Variants in QKI observed in about 807,000 individuals in gnomAD.
QKI encodes KH domain-containing RNA-binding protein QKI.
Under a neutral mutation model 39.0 loss-of-function variants are expected in QKI, and 10 were observed. That is an observed-to-expected ratio of 0.26 (90% CI 0.16 to 0.43). QKI has a LOEUF of 0.43. Among genes scored for constraint, QKI ranks in the 20% least tolerant of loss-of-function variants. The pLI, the probability that QKI is intolerant of heterozygous loss-of-function variation, is 1.00. For synonymous variants in QKI, 204 were observed against 155.4 expected (o/e 1.31, Z -2.33); for missense variants, 218 against 428.0 (o/e 0.51, Z 4.33).
chr6:163,548,889 GTTAT>G (rs1782047802), intron 4 of QKI, among the ~76,000 whole-genome samples: 1 of 152,186 alleles, frequency 6.6e-6, no homozygotes, highest in Non-Finnish European at 1.5e-5. Context: ...AAAATAAGCA[GTTAT>G]TTAAGTGGTA....
rs1783977056 is a variant in QKI at position 163,576,428 on chromosome 6, A to G, written c.*5718A>G. The stretch of plus-strand genomic sequence containing the variant: ...TTGTTGCCTCTTCTTGGCAAAAGAC[A>G]CCACATTGTGGGAAGATCTCAGCTT... On this transcript the variant is annotated 3_prime_UTR_variant, in exon 8 of 8. Transcript: ENST00000361752. 6.6e-6 allele frequency: 1 copy of G among 152,148 alleles called. No individual in the cohort carries two copies. Among genetic ancestry groups the G allele is most frequent in the South Asian group, 2.1e-4 (1 of 4,818 alleles). The allele number at this position is 152,148 out of a possible 1,614,324, so 9.4% of individuals were successfully genotyped here.
rs368908795 is a variant in QKI, at chr6:163,519,936, G to C, written c.403-15046G>C. On this transcript the variant is annotated intron_variant, in intron 3 of 7. Coordinates refer to ENST00000361752, the MANE Select transcript of QKI (RefSeq NM_006775.3). ...AGGGGAAGTGGGCCAAAGATATTCT[G>C]AAAGAGTAGAGTTACTTTTTGTCTT... is the stretch of plus-strand genomic sequence containing the variant. Among the ~76,000 whole-genome samples, 27 of 152,226 alleles carry C rather than the reference G, an allele frequency of 1.8e-4. No homozygotes were observed. In the East Asian group the frequency reaches 5.0e-3, roughly 28 times the overall value.
At chr6:163,418,276 C>G (rs1256208902) in intron 1 of QKI, among the ~76,000 whole-genome samples, 1 of 151,850 alleles carries the variant, frequency 6.6e-6, no homozygotes, top group Non-Finnish European at 1.5e-5. Flanking sequence ...AAATATTTTT[C>G]AAAGAATAAG....
rs1181375837 is a variant in QKI at position 163,573,781 on chromosome 6, T to G, written c.*3071T>G. ...ACCCACAGCATTATTTTAATAAATG[T>G]TATAATACCAACCTACTAACTCTGG... is the stretch of plus-strand genomic sequence containing the variant. On this transcript the variant is annotated 3_prime_UTR_variant, in exon 8 of 8. Transcript: ENST00000361752. The G allele has an allele frequency of 1.3e-5, 2 of 152,194 alleles. No homozygotes were observed. The highest frequency in any genetic ancestry group is 2.9e-5 in the Non-Finnish European group (2 of 68,030). The allele number at this position is 152,194 out of a possible 1,614,324, so 9.4% of individuals were successfully genotyped here.
intron 4 of QKI, among the ~76,000 whole-genome samples, chr6:163,557,067 A>G (rs1207025109): frequency 1.3e-5 from 2 of 152,192 alleles, no homozygotes; most frequent in Non-Finnish European, 2.9e-5. Flanking sequence ...TCACATATCC[A>G]AAAAGTGGAA....
chr6:163,487,716 T>C (rs1261064322), intron 3 of QKI, among the ~76,000 whole-genome samples: 1 of 152,114 alleles, frequency 6.6e-6, no homozygotes, highest in Non-Finnish European at 1.5e-5. Flanking sequence ...TTCTTGTAAA[T>C]TGGTAATGAC....
intron 1 of QKI, among the ~76,000 whole-genome samples, chr6:163,424,701 G>A (rs1207434947): frequency 6.7e-6 from 1 of 150,208 alleles, no homozygotes; most frequent in Non-Finnish European, 1.5e-5. Context: ...ACTGGATCTT[G>A]GCTCACTGCA....
At chr6:163,506,287 C>T (rs1779090193) in intron 3 of QKI, among the ~76,000 whole-genome samples, 1 of 152,158 alleles carries the variant, frequency 6.6e-6, no homozygotes, top group South Asian at 2.1e-4. Flanking sequence ...ATTGAATTGA[C>T]ATTTCAGTTG....
chr6:163,570,920 G>A lies in QKI; in HGVS notation c.*210G>A. 1.6e-6 allele frequency: 1 copy of A among 626,156 alleles called. No individual in the cohort carries two copies. 38.8% of individuals were successfully genotyped at this position (626,156 alleles called of 1,614,324 possible). The stretch of plus-strand genomic sequence containing the variant: ...TTTTTTTTTTTTTTTTTCCTGTTTG[G>A]GTGAAAGTGGTTCTAGAAACTGCAC... On this transcript the variant is annotated 3_prime_UTR_variant, in exon 8 of 8. Coordinates refer to ENST00000361752, the MANE Select transcript of QKI (RefSeq NM_006775.3).
intron 6 of QKI, 198 bp from the exon 7 acceptor site, chr6:163,566,523 G>A (rs1259015202): frequency 1.4e-6 from 2 of 1,407,306 alleles, no homozygotes; most frequent in Non-Finnish European, 9.2e-7. Context: ...CAAGATGTTT[G>A]AAATGAATGC....
chr6:163,575,137 G>A lies in QKI; in HGVS notation c.*4427G>A, dbSNP rs546126562. On this transcript the variant is annotated 3_prime_UTR_variant, in exon 8 of 8. Transcript: ENST00000361752. The stretch of plus-strand genomic sequence containing the variant: ...CATGCTACTATTTGTAAAAGTTTCC[G>A]TTGCCATAACAGTTCATGTAGTAGT... 6 of 152,222 alleles carry A rather than the reference G, an allele frequency of 3.9e-5. No individual in the cohort carries two copies. The highest frequency in any genetic ancestry group is 2.1e-4 in the South Asian group (1 of 4,814). The allele number at this position is 152,222 out of a possible 1,614,324, so 9.4% of individuals were successfully genotyped here.
intron 2 of QKI, among the ~76,000 whole-genome samples, chr6:163,474,474 A>G (rs1040847649): frequency 2.6e-5 from 4 of 152,176 alleles, no homozygotes; most frequent in African/African-American, 7.2e-5. Context: ...TGTAAGGTTG[A>G]TAGAAAAAAA....
At chr6:163,458,874 A>G (rs758414781) in intron 2 of QKI, among the ~76,000 whole-genome samples, 5 of 150,556 alleles carry the variant, frequency 3.3e-5, no homozygotes, top group African/African-American at 5.0e-5. Flanking sequence ...AATTCTTTTG[A>G]AAAAAACTCT....
At chr6:163,416,008 T>TG in intron 1 of QKI, 1 of 438,058 alleles carries the variant, frequency 2.3e-6, no homozygotes, top group South Asian at 1.6e-5. Flanking sequence ...CCCTTTTGTT[T>TG]GGGGAAGCGA....
At chr6:163,494,407 A>G (rs1031137507) in intron 3 of QKI, among the ~76,000 whole-genome samples, 5 of 152,196 alleles carry the variant, frequency 3.3e-5, no homozygotes, top group South Asian at 2.1e-4. Flanking sequence ...GTGTACACAC[A>G]GTGTTGATTT....
At chr6:163,465,124 A>AACTTTCTTTCAC (rs1257705237) in intron 2 of QKI, among the ~76,000 whole-genome samples, 3 of 152,218 alleles carry the variant, frequency 2.0e-5, no homozygotes, top group African/African-American at 7.2e-5. Context: ...CATTTGACAA[A>AACTTTCTTTCAC]ATGTAACATC....
At chr6:163,474,671 C>A (rs1029350532) in intron 2 of QKI, among the ~76,000 whole-genome samples, 2 of 151,474 alleles carry the variant, frequency 1.3e-5, no homozygotes, top group African/African-American at 4.8e-5. Flanking sequence ...AGCCTGTAAT[C>A]CTAGCTCTTT....
Position 163,570,813 on chromosome 6 carries a change from T to A in QKI, c.*103T>A. ...ATCGCCTTTGCTTGCCTGTCGTCAG[T>A]GCAGCGAGCTGAGGCACTTGTCCGT... On this transcript the variant is annotated 3_prime_UTR_variant, in exon 8 of 8. Coordinates refer to ENST00000361752, the MANE Select transcript of QKI (RefSeq NM_006775.3). The A allele has an allele frequency of 1.4e-6, 2 of 1,455,392 alleles. No individual in the cohort carries two copies. The highest frequency in any genetic ancestry group is 1.3e-5 in the South Asian group (1 of 74,618). The allele number at this position is 1,455,392 out of a possible 1,614,324, so 90.2% of individuals were successfully genotyped here.
chr6:163,425,683 C>T (rs1788351810), intron 1 of QKI, among the ~76,000 whole-genome samples: 1 of 152,056 alleles, frequency 6.6e-6, no homozygotes, highest in Admixed American at 6.5e-5. Flanking sequence ...TTTGTTTTAA[C>T]TAGAAACAAG....
Sources: gnomAD v4.1 joint callset for allele counts (sites outside exome capture counted in the v4.1 genomes callset) on GRCh38, gnomAD v4.1.1 for gene constraint, MANE v1.5 for transcripts, NCBI Gene and HGNC (gene_info 2026-07-23, HGNC 2026-07-21) for gene names.